PLEKHH3: variants seen among roughly 807,000 people sequenced by gnomAD.
PLEKHH3 encodes the protein pleckstrin homology, MyTH4 and FERM domain containing H3.
Under a neutral mutation model 77.8 loss-of-function variants are expected in PLEKHH3, and 57 were observed. The ratio of observed to expected loss-of-function variants is 0.73; its 90% CI spans 0.59 to 0.91. The LOEUF (loss-of-function observed/expected upper bound fraction) is 0.91, where lower values mean the gene tolerates loss of function less well. Among genes scored for constraint, PLEKHH3 ranks in the 40% least tolerant of loss-of-function variants. The pLI is 0.00. For synonymous variants in PLEKHH3, 467 were observed against 504.8 expected (o/e 0.93, Z 1.00); for missense variants, 1,082 against 1,091.2 (o/e 0.99, Z 0.12).
chr17:42,675,012 GC>G (rs2052792032), intron 1 of PLEKHH3: 1 of 152,274 alleles, frequency 6.6e-6, no homozygotes, highest in South Asian at 2.1e-4. Flanking sequence ...CAGAGACCCT[GC>G]CCCTTTGCTG....
chr17:42,674,389 C>A lies in PLEKHH3; in HGVS notation c.183G>T (p.Leu61=). 1 of 1,595,878 alleles carries A rather than the reference C, an allele frequency of 6.3e-7. No individual in the cohort carries two copies. Residue 61 remains leucine, a synonymous_variant, in exon 2 of 13, where the codon CTG becomes CTT. Coordinates refer to ENST00000591022, the MANE Select transcript of PLEKHH3 (RefSeq NM_024927.5). ...CAGGCCCGCTCCTCACTGGCTGAGT[C>A]AGCGTCACTTCCAGGGGACCCTGGG... ...GGGRGPLEVT[L]TQPVRSGPVS...
At position 42,676,057 on chromosome 17, in the gene PLEKHH3, G is replaced by A; in HGVS notation, c.162+345C>T. 1 of 1,154,140 alleles carries A rather than the reference G, an allele frequency of 8.7e-7. No individual in the cohort carries two copies. The highest frequency in any genetic ancestry group is 1.1e-6 in the Non-Finnish European group (1 of 936,024). The allele number at this position is 1,154,140 out of a possible 1,614,324, so 71.5% of individuals were successfully genotyped here. A position where few individuals can be genotyped will look rare whatever the true frequency, so the allele number is the denominator to read the frequency against. Reference sequence around the variant, plus strand: ...GCGTTCGAGCCGCCCAGCCGGCCTCGCCACATTCCTCGGCGCTGGCGGAGG... The same window carrying A: ...GCGTTCGAGCCGCCCAGCCGGCCTCACCACATTCCTCGGCGCTGGCGGAGG... On this transcript the variant is annotated intron_variant, in intron 1 of 12. Coordinates refer to ENST00000591022, the MANE Select transcript of PLEKHH3 (RefSeq NM_024927.5). The surrounding 1 kb of genome is among the most constrained non-coding windows in gnomAD (Gnocchi z 6.6).
chr17:42,668,171 C>A lies in PLEKHH3; in HGVS notation c.2338G>T (p.Glu780Ter). ...SPPSQRPGLD[E>*]PQGQSGCLGQ... Reference sequence around the variant, plus strand: ...AAGCAGCCAGACTGTCCCTGGGGCTCGTCCAGGCCCGGGCGCTGGCTGGGA... The same window carrying A: ...AAGCAGCCAGACTGTCCCTGGGGCTAGTCCAGGCCCGGGCGCTGGCTGGGA... Residue 780 changes from glutamate to a stop codon, truncating the protein, a stop_gained, in exon 13 of 13, where the codon GAG becomes TAG. Transcript: ENST00000591022. LOFTEE classifies it high-confidence loss of function. 1 of 1,514,556 alleles carries A rather than the reference C, an allele frequency of 6.6e-7. No homozygotes were observed. The highest frequency in any genetic ancestry group is 1.3e-5 in the South Asian group (1 of 76,696). 93.8% of individuals were successfully genotyped at this position (1,514,556 alleles called of 1,614,324 possible).
In PLEKHH3 at chr17:42,676,648, G is replaced by T; in HGVS notation, c.-85C>A. The T allele has an allele frequency of 2.3e-6, 3 of 1,324,224 alleles. No homozygotes were observed. Among genetic ancestry groups the T allele is most frequent in the Non-Finnish European group, 2.1e-6 (2 of 955,476 alleles). The allele number at this position is 1,324,224 out of a possible 1,614,324, so 82.0% of individuals were successfully genotyped here. ...AGGAACTGGCGGGGCTCCGACCCGA[G>T]CAGGGGAAAGATGAGGTGGGAGGAG... On this transcript the variant is annotated 5_prime_UTR_variant, in exon 1 of 13. Coordinates refer to ENST00000591022, the MANE Select transcript of PLEKHH3 (RefSeq NM_024927.5). The surrounding 1 kb of genome is among the most constrained non-coding windows in gnomAD (Gnocchi z 6.6).
intron 9 of PLEKHH3, 137 bp downstream of exon 9, chr17:42,670,857 G>A: frequency 1.3e-6 from 2 of 1,517,656 alleles, no homozygotes; most frequent in Admixed American, 2.0e-5. Flanking sequence ...AACCTGCGGC[G>A]GGCAGGTCCG....
At position 42,669,653 on chromosome 17, in the gene PLEKHH3, G is replaced by A. The variant is rs759528109; in HGVS notation, c.2014-32C>T. 3.2e-6 allele frequency: 5 copies of A among 1,583,586 alleles called. No individual in the cohort carries two copies. The Admixed American group carries it at 8.6e-5, about 27-fold the overall frequency. ...ACAGAGAGGCAGAGTCAGGGTGGAA[G>A]GAGGAGCCCAGCGTTATTTTTGGTA... On this transcript the variant is annotated intron_variant, in intron 11 of 12. Transcript: ENST00000591022.
At chr17:42,674,230 C>G (rs918516520) in intron 2 of PLEKHH3, 124 bp downstream of exon 2, 76 of 1,277,058 alleles carry the variant, frequency 6.0e-5, no homozygotes, top group Non-Finnish European at 7.8e-5. Flanking sequence ...GGACCCCAGC[C>G]AAACCACAGC....
In PLEKHH3 at chr17:42,676,531, G is replaced by A; in HGVS notation, c.33C>T (p.Leu11=). Residue 11 remains leucine, a synonymous_variant, in exon 1 of 13, where the codon CTC becomes CTT. Transcript: ENST00000591022. This position sits in a 1 kb window ranked among gnomAD's most constrained non-coding sequence, Gnocchi z 6.6. ...GAAGAGTGAAGCCTCGACGGCAGCAGAGAAGCCACCATAGTCCCCCGGGGA... is the reference window on the plus strand; with the variant it reads ...GAAGAGTGAAGCCTCGACGGCAGCAAAGAAGCCACCATAGTCCCCCGGGGA... MPLPGGLWWL[L]CCRRGFTLLH... The A allele has an allele frequency of 6.3e-7, 1 of 1,585,078 alleles. No individual in the cohort carries two copies. Among genetic ancestry groups the A allele is most frequent in the Non-Finnish European group, 8.6e-7 (1 of 1,165,608 alleles).
chr17:42,676,109 C>A lies in PLEKHH3; in HGVS notation c.162+293G>T, dbSNP rs2052820598. 4 of 1,268,380 alleles carry A rather than the reference C, an allele frequency of 3.2e-6. No individual in the cohort carries two copies. Among genetic ancestry groups the A allele is most frequent in the East Asian group, 3.7e-5 (1 of 26,904 alleles). 78.6% of individuals were successfully genotyped at this position (1,268,380 alleles called of 1,614,324 possible). On this transcript the variant is annotated intron_variant, in intron 1 of 12. Transcript: ENST00000591022. The surrounding 1 kb of genome is among the most constrained non-coding windows in gnomAD (Gnocchi z 6.6). ...GGAAGGAGACGGGATGGGACGCGGG[C>A]CCAGCGGGGAAGGGAGAGGCAGGGC...
intron 10 of PLEKHH3, 76 bp from the exon 11 acceptor site, chr17:42,670,452 A>C: frequency 6.8e-7 from 1 of 1,475,506 alleles, no homozygotes; most frequent in African/African-American, 1.4e-5. Context: ...GAATCTGAGC[A>C]GGTCTAGGTT....
Position 42,668,077 on chromosome 17 carries a change from G to A in PLEKHH3, c.*50C>T. 7.4e-7 allele frequency: 1 copy of A among 1,352,920 alleles called. No individual in the cohort carries two copies. The highest frequency in any genetic ancestry group is 9.5e-7 in the Non-Finnish European group (1 of 1,055,704). The allele number at this position is 1,352,920 out of a possible 1,614,324, so 83.8% of individuals were successfully genotyped here. A position where few individuals can be genotyped will look rare whatever the true frequency, so the allele number is the denominator to read the frequency against. On this transcript the variant is annotated 3_prime_UTR_variant, in exon 13 of 13. Transcript: ENST00000591022. The stretch of plus-strand genomic sequence containing the variant: ...CATGTTTCCCTCAAATCTCAGAGCA[G>A]TCCTGGCCCAGGCTGCAGGCAGGAG...
rs1460193170 is a variant in PLEKHH3, at chr17:42,673,951, G to A, written c.281C>T (p.Pro94Leu). The A allele has an allele frequency of 1.2e-6, 2 of 1,613,388 alleles. No individual in the cohort carries two copies. The highest frequency in any genetic ancestry group is 1.3e-5 in the African/African-American group (1 of 74,880). ...GTCTCTACCTTTCACAACGATGTCCGGGTCGTCCTCCGGCAGCCCTTTCTC... is the reference window on the plus strand; with the variant it reads ...GTCTCTACCTTTCACAACGATGTCCAGGTCGTCCTCCGGCAGCCCTTTCTC... The part of the protein sequence containing the change: ...IPEKGLPEDD[P>L]DIVVKGWLYR... Residue 94 changes from proline (P) to leucine (L), a missense_variant, in exon 3 of 13, where the codon CCG (proline) becomes CTG (leucine). Coordinates refer to ENST00000591022, the MANE Select transcript of PLEKHH3 (RefSeq NM_024927.5).
At chr17:42,672,506 AGGGAG>A in intron 6 of PLEKHH3, 114 bp from the exon 7 acceptor site, 1 of 651,560 alleles carries the variant, frequency 1.5e-6, no homozygotes, top group Non-Finnish European at 2.4e-6. Flanking sequence ...ATGGGGTGGC[AGGGAG>A]GGGAGGGTAC....
rs978800933 is a variant in PLEKHH3, at chr17:42,668,300, C to T, written c.2209G>A (p.Glu737Lys). Reference sequence around the variant, plus strand: ...GCATTCACCAGCTGCATGATCTCTTCCACCTAAGAGAGGGCAGAGGTCAGT... The same window carrying T: ...GCATTCACCAGCTGCATGATCTCTTTCACCTAAGAGAGGGCAGAGGTCAGT... ...SQLLLQSPQVEEIMQLVNAYL... is the reference protein window; with the variant it reads ...SQLLLQSPQVKEIMQLVNAYL... The change falls in exon 13 of 13, where the codon GAA becomes AAA. Residue 737 changes from glutamate to lysine, a missense_variant. Around this residue, in one of 3 missense-constraint regions of PLEKHH3, gnomAD observed 733 missense variants for 750.0 expected, o/e 0.98. Coordinates refer to ENST00000591022, the MANE Select transcript of PLEKHH3 (RefSeq NM_024927.5). 1 of 1,545,480 alleles carries T rather than the reference C, an allele frequency of 6.5e-7. No individual in the cohort carries two copies. Among genetic ancestry groups the T allele is most frequent in the Non-Finnish European group, 8.7e-7 (1 of 1,155,122 alleles).
intron 9 of PLEKHH3, 92 bp from the exon 10 acceptor site, chr17:42,670,797 C>A: frequency 7.4e-7 from 1 of 1,359,662 alleles, no homozygotes; most frequent in Non-Finnish European, 1.0e-6. Context: ...GTGTTTGGGG[C>A]GGGGCCTGGG....
intron 11 of PLEKHH3, 142 bp downstream of exon 11, chr17:42,669,768 GAGGGCCCA>G (rs2052641793): frequency 1.3e-6 from 2 of 1,491,794 alleles, no homozygotes; most frequent in Non-Finnish European, 1.8e-6. Flanking sequence ...CCAGGGATGT[GAGGGCCCA>G]AGGGCTGGTG....
rs771029560 is a variant in PLEKHH3, at chr17:42,671,364, G to C, written c.1271C>G (p.Thr424Ser). 15 of 1,612,936 alleles carry C rather than the reference G, an allele frequency of 9.3e-6. No individual in the cohort carries two copies. Among genetic ancestry groups the C allele is most frequent in the Non-Finnish European group, 1.2e-5 (14 of 1,179,924 alleles). Residue 424 changes from threonine (T) to serine (S), a missense_variant, in exon 8 of 13, where the codon ACC becomes AGC. This residue lies in a region of PLEKHH3 where 733 missense variants were observed against 750.0 expected (regional missense o/e 0.98). Transcript: ENST00000591022. This position sits in a 1 kb window ranked among gnomAD's most constrained non-coding sequence, Gnocchi z 4.7. The stretch of plus-strand genomic sequence containing the variant: ...CTCTGGCCTCACCTCCCCCGCCGTG[G>C]TGTGGGAGTCGATGGCCACAGCACA... ...GACAVAIDSH[T>S]TAGEVARELV...
At position 42,671,632 on chromosome 17, in the gene PLEKHH3, A is replaced by G. The variant is rs2052705395; in HGVS notation, c.1077-74T>C. 1.4e-6 allele frequency: 2 copies of G among 1,438,750 alleles called. No homozygotes were observed. The highest frequency in any genetic ancestry group is 2.3e-5 in the Admixed American group (1 of 43,528). The allele number at this position is 1,438,750 out of a possible 1,614,324, so 89.1% of individuals were successfully genotyped here. On this transcript the variant is annotated intron_variant, in intron 7 of 12. Transcript: ENST00000591022. This position sits in a 1 kb window ranked among gnomAD's most constrained non-coding sequence, Gnocchi z 4.7. ...CCCCTCCCTCTTGCCTGCTTCTCTT[A>G]TAGTTTATTTTATCTAGCCGATTTC...
chr17:42,673,824 G>C lies in PLEKHH3; in HGVS notation c.309C>G (p.Tyr103Ter). 6.3e-7 allele frequency: 1 copy of C among 1,593,728 alleles called. No individual in the cohort carries two copies. Among genetic ancestry groups the C allele is most frequent in the South Asian group, 1.1e-5 (1 of 90,128 alleles). Residue 103 changes from tyrosine (Y) to a stop codon, truncating the protein, a stop_gained, in exon 4 of 13, where the codon TAC (tyrosine) becomes TAG (stop). Coordinates refer to ENST00000591022, the MANE Select transcript of PLEKHH3 (RefSeq NM_024927.5). LOFTEE classifies it high-confidence loss of function. Reference sequence around the variant, plus strand: ...GCGCCCCTCCTCCGCGGGGCTCCCGGTACAGCCAACCTGGGGGCCGGAGAG... The same window carrying C: ...GCGCCCCTCCTCCGCGGGGCTCCCGCTACAGCCAACCTGGGGGCCGGAGAG... Reference protein sequence around the residue: ...DPDIVVKGWLYREPRGGGARP... With the variant: ...DPDIVVKGWL
Sources: gnomAD v4.1 joint callset for allele counts on GRCh38, gnomAD v4.1.1 for gene constraint, gnomAD v4.1.1 regional missense constraint, Gnocchi (gnomAD v3.1) non-coding constraint, MANE v1.5 for transcripts, NCBI Gene and HGNC (gene_info 2026-07-23, HGNC 2026-07-21) for gene names.